Variants in WBP2NL observed in about 807,000 individuals in gnomAD.
WBP2NL encodes the protein WBP2 N-terminal like.
WBP2NL carries 27 observed loss-of-function variants against 23.3 expected under a neutral mutation model. The observed-to-expected ratio is 1.16, with a 90% CI of 0.85 to 1.60. The LOEUF (loss-of-function observed/expected upper bound fraction) is 1.60. WBP2NL is among the 40% of genes most tolerant of loss of function. WBP2NL has a pLI of 0.00. For missense variants in WBP2NL, 370 were observed against 389.5 expected (o/e 0.95, Z 0.42); for synonymous variants, 151 against 145.9 (o/e 1.03, Z -0.25).
chr22:42,052,114 C>A (rs1187716972), intron 8 of WBP2NL, among the ~76,000 whole-genome samples: 1 of 152,128 alleles, frequency 6.6e-6, no homozygotes, highest in African/African-American at 2.4e-5. Flanking sequence ...ATTTTACACA[C>A]CCCAAGTCAG....
At chr22:42,013,761 C>T (rs901291529) in intron 1 of WBP2NL, among the ~76,000 whole-genome samples, 2 of 151,950 alleles carry the variant, frequency 1.3e-5, no homozygotes, top group African/African-American at 4.8e-5. Flanking sequence ...TGATGCATGC[C>T]ACCACACCTG....
chr22:42,058,343 G>A (rs899114874), exon 9 of WBP2NL: 11 of 152,160 alleles, frequency 7.2e-5, no homozygotes, highest in African/African-American at 2.6e-4. Context: ...ATGAAATAAT[G>A]GTACACGTTG....
chr22:42,056,866 T>TA (rs748741420), intron 8 of WBP2NL, among the ~76,000 whole-genome samples: 30 of 152,274 alleles, frequency 2.0e-4, no homozygotes, highest in Non-Finnish European at 3.1e-4. Context: ...CAATTATACT[T>TA]AGTTATTTTT....
intron 8 of WBP2NL, among the ~76,000 whole-genome samples, chr22:42,056,016 AT>A (rs1208368883): frequency 6.6e-6 from 1 of 152,088 alleles, no homozygotes; most frequent in African/African-American, 2.4e-5. Flanking sequence ...TCTATGTTTA[AT>A]CCATTTACAT....
chr22:42,022,650 G>A (rs1198329994), intron 5 of WBP2NL, among the ~76,000 whole-genome samples: 3 of 152,242 alleles, frequency 2.0e-5, no homozygotes, highest in Admixed American at 1.3e-4. Flanking sequence ...GAAAATATAT[G>A]CTCTTGCCCA....
At chr22:42,049,705 C>CAAA (rs1158837575) in intron 8 of WBP2NL, among the ~76,000 whole-genome samples, 31 of 37,478 alleles carry the variant, frequency 8.3e-4, no homozygotes, top group Non-Finnish European at 1.4e-3. Context: ...CAAAACAAAA[C>CAAA]AAAAAAAAAA....
chr22:42,004,866 A>G (rs954683117), intron 1 of WBP2NL, among the ~76,000 whole-genome samples: 6 of 152,110 alleles, frequency 3.9e-5, no homozygotes, highest in African/African-American at 9.7e-5. Flanking sequence ...TGAGGTTGCA[A>G]TGAGCCAAGA....
chr22:42,008,935 C>T (rs1049550400), intron 1 of WBP2NL, among the ~76,000 whole-genome samples: 11 of 152,218 alleles, frequency 7.2e-5, no homozygotes, highest in African/African-American at 9.6e-5. Context: ...TCCACCACCA[C>T]GCCCGGCTAA....
intron 8 of WBP2NL, among the ~76,000 whole-genome samples, chr22:42,038,384 T>C (rs1723643873): frequency 6.6e-6 from 1 of 152,234 alleles, no homozygotes; most frequent in South Asian, 2.1e-4. Context: ...TGCTAGTGTT[T>C]TATTAACGAT....
At chr22:42,021,905 T>C (rs1924013839) in intron 4 of WBP2NL, among the ~76,000 whole-genome samples, 1 of 149,506 alleles carries the variant, frequency 6.7e-6, no homozygotes, top group African/African-American at 2.5e-5. Flanking sequence ...CAAGCAATCC[T>C]CCTGCCTCAG....
chr22:42,021,897 A>C (rs111695573), intron 4 of WBP2NL, among the ~76,000 whole-genome samples: 217 of 151,876 alleles, frequency 1.4e-3, no homozygotes, highest in African/African-American at 4.9e-3. Flanking sequence ...TCCAGGCTCA[A>C]GCAATCCTCC....
chr22:42,008,146 C>CCTTTGCTTTG (rs1922458647), intron 1 of WBP2NL, among the ~76,000 whole-genome samples: 2 of 135,890 alleles, frequency 1.5e-5, no homozygotes, highest in African/African-American at 2.8e-5. Context: ...CCTTTCCTTT[C>CCTTTGCTTTG]CTTTCCTTTC....
chr22:42,033,313 C>T (rs1029993093), downstream of WBP2NL, among the ~76,000 whole-genome samples: 1 of 152,160 alleles, frequency 6.6e-6, no homozygotes, highest in African/African-American at 2.4e-5. Context: ...ATGCCAGGAA[C>T]CATAGGGCCC....
intron 4 of WBP2NL, among the ~76,000 whole-genome samples, chr22:42,020,908 A>ATATAT (rs1923908492): frequency 8.9e-5 from 1 of 11,230 alleles, no homozygotes; most frequent in Non-Finnish European, 1.4e-4. Flanking sequence ...ATATATATAT[A>ATATAT]TTTTTTTTTT....
chr22:42,033,353 G>C (rs1352825125), downstream of WBP2NL, among the ~76,000 whole-genome samples: 1 of 152,292 alleles, frequency 6.6e-6, no homozygotes, highest in Admixed American at 6.5e-5. Flanking sequence ...CTGGCTTGGA[G>C]AGCTCCCAGG....
chr22:42,017,773 AG>A, intron 1 of WBP2NL, among the ~76,000 whole-genome samples: 1 of 152,078 alleles, frequency 6.6e-6, no homozygotes, highest in Non-Finnish European at 1.5e-5. Context: ...GCACATTGGG[AG>A]GCTAAAGCAG....
chr22:42,008,988 C>T (rs1316509421), intron 1 of WBP2NL, among the ~76,000 whole-genome samples: 11 of 152,088 alleles, frequency 7.2e-5, no homozygotes, highest in Admixed American at 7.2e-4. Context: ...ACCGTGTTAG[C>T]CAGGATGGTC....
At chr22:42,053,114 T>C (rs1925895099) in intron 8 of WBP2NL, among the ~76,000 whole-genome samples, 1 of 152,230 alleles carries the variant, frequency 6.6e-6, no homozygotes, top group Admixed American at 6.5e-5. Flanking sequence ...TGTGTCTGGC[T>C]TTCACTTAGC....
At chr22:42,040,139 T>G (rs1028197766) in intron 8 of WBP2NL, among the ~76,000 whole-genome samples, 3 of 152,078 alleles carry the variant, frequency 2.0e-5, no homozygotes, top group Non-Finnish European at 4.4e-5. Context: ...TTTCGAACTC[T>G]TGACTTCAAG....
Sources: allele counts gnomAD v4.1 joint callset (sites outside exome capture counted in the v4.1 genomes callset), GRCh38; gene constraint gnomAD v4.1.1; transcripts MANE v1.5; gene names NCBI Gene and HGNC (gene_info 2026-07-23, HGNC 2026-07-21).